CAND1: variants seen among roughly 807,000 people sequenced by gnomAD.
CAND1 encodes the protein cullin-associated NEDD8-dissociated protein 1.
A neutral mutation model predicts 108.5 loss-of-function variants in CAND1; 7 were observed. The observed-to-expected ratio is 0.06, with a 90% confidence interval of 0.04 to 0.12. The LOEUF is 0.12. Among genes scored for constraint, CAND1 ranks in the 10% least tolerant of loss-of-function variants. The pLI is 1.00. For synonymous variants in CAND1, 534 were observed against 512.0 expected, an observed-to-expected ratio of 1.04 and a Z score of -0.58; for missense variants, 941 against 1,448.7, an observed-to-expected ratio of 0.65 and a Z score of 5.69.
Position 67,295,014 on chromosome 12 carries a change from T to C in CAND1, c.368-19T>C, listed in dbSNP as rs923986299. 2.5e-6 allele frequency: 4 copies of C among 1,602,954 alleles called. No homozygotes were observed. Among genetic ancestry groups the C allele is most frequent in the Admixed American group, 3.4e-5 (2 of 58,492 alleles). On this transcript the variant is annotated intron_variant, in intron 3 of 14. Coordinates refer to ENST00000545606, the MANE Select transcript of CAND1 (RefSeq NM_018448.5). Reference sequence around the variant, plus strand: ...AACATGCTTGCCTTGAAATTATTATTGGCTTCTTATTCATGCAGGCTCTGC... The same window carrying C: ...AACATGCTTGCCTTGAAATTATTATCGGCTTCTTATTCATGCAGGCTCTGC...
chr12:67,270,220 C>T, intron 1 of CAND1: 2 of 164,912 alleles, frequency 1.2e-5, no homozygotes, highest in South Asian at 1.6e-4. Flanking sequence ...GCCCAAGCTG[C>T]TGCCCACTCG....
Position 67,312,710 on chromosome 12 carries a change from G to C in CAND1, c.3573G>C (p.Lys1191Asn). 6.2e-7 allele frequency: 1 copy of C among 1,613,810 alleles called. No individual in the cohort carries two copies. The highest frequency in any genetic ancestry group is 8.5e-7 in the Non-Finnish European group (1 of 1,179,778). The change falls in exon 15 of 15, where the codon AAG (lysine) becomes AAC (asparagine). Residue 1191 changes from lysine (K) to asparagine (N), a missense_variant. Physicochemically the swap from Lys to Asn is moderately conservative, Grantham distance 94. Transcript: ENST00000545606. ...TGCTAACCATTCCAGAAGCAGAGAA[G>C]AGTCCACTGATGAGTGAATTCCAGT... ...AALLTIPEAE[K>N]SPLMSEFQSQ...
intron 11 of CAND1, among the ~76,000 whole-genome samples, chr12:67,309,367 C>A (rs1286487630): frequency 1.3e-5 from 2 of 151,862 alleles, no homozygotes; most frequent in Non-Finnish European, 2.9e-5. Context: ...TCGTGTATTT[C>A]TTACTGAAGA....
At position 67,304,638 on chromosome 12, in the gene CAND1, A is replaced by G; in HGVS notation, c.1327A>G (p.Met443Val). Residue 443 changes from methionine to valine, a missense_variant, in exon 9 of 15, where the codon ATG becomes GTG. Met to Val is a conservative substitution (Grantham distance 21). Transcript: ENST00000545606. ...PNIVKALHKQ[M>V]KEKSVKTRQC... ...CATTGTTAAAGCTCTTCACAAACAG[A>G]TGAAAGAAAAAAGTGTGAAGACCCG... The G allele has an allele frequency of 6.2e-7, 1 of 1,613,888 alleles. No homozygotes were observed. The highest frequency in any genetic ancestry group is 8.5e-7 in the Non-Finnish European group (1 of 1,179,924).
chr12:67,300,324 C>G (rs2044812533), intron 7 of CAND1, among the ~76,000 whole-genome samples: 1 of 152,094 alleles, frequency 6.6e-6, no homozygotes, highest in African/African-American at 2.4e-5. Context: ...CATCTAGTCT[C>G]CTGGCTTTAA....
At position 67,299,077 on chromosome 12, in the gene CAND1, G is replaced by T; in HGVS notation, c.982G>T (p.Gly328Cys). The change falls in exon 7 of 15, where the codon GGT (glycine) becomes TGT (cysteine). Residue 328 changes from glycine (G) to cysteine (C), a missense_variant. By Grantham distance (159) the Gly-to-Cys change is radical. This residue lies in a region of CAND1 where 697 missense variants were observed against 942.0 expected (regional missense o/e 0.74). Transcript: ENST00000545606. ...TGAAAATGCAATGGATGCTGATGGT[G>T]GTGATGATGATGATCAAGGTATTGC... The part of the protein sequence containing the change: ...EDENAMDADG[G>C]DDDDQGSDDE... The T allele has an allele frequency of 6.5e-7, 1 of 1,537,838 alleles. No individual in the cohort carries two copies.
intron 2 of CAND1, among the ~76,000 whole-genome samples, chr12:67,282,798 A>G (rs941487402): frequency 2.0e-5 from 3 of 152,182 alleles, no homozygotes; most frequent in Non-Finnish European, 2.9e-5. Context: ...AGTTGATACA[A>G]TATACATATG....
At position 67,317,878 on chromosome 12, in the gene CAND1, A is replaced by C. The variant is rs2045024321; in HGVS notation, c.*5048A>C. The C allele has an allele frequency of 1.3e-5, 2 of 152,290 alleles. No homozygotes were observed. Among genetic ancestry groups the C allele is most frequent in the Non-Finnish European group, 2.9e-5 (2 of 68,110 alleles). 9.4% of individuals were successfully genotyped at this position (152,290 alleles called of 1,614,324 possible). A position where few individuals can be genotyped will look rare whatever the true frequency, so the allele number is the denominator to read the frequency against. ...TACATCTCATAAAGGTATCTCAAAC[A>C]CAGCATATCTAAAGCTGAAGTCATC... is the stretch of plus-strand genomic sequence containing the variant. On this transcript the variant is annotated 3_prime_UTR_variant, in exon 15 of 15. Coordinates refer to ENST00000545606, the MANE Select transcript of CAND1 (RefSeq NM_018448.5).
chr12:67,287,956 A>G (rs1403320582), intron 2 of CAND1, among the ~76,000 whole-genome samples: 1 of 143,446 alleles, frequency 7.0e-6, no homozygotes, highest in Non-Finnish European at 1.5e-5. Flanking sequence ...ATTGAATTCT[A>G]CTGTGGTCAG....
At chr12:67,308,878 A>G (rs1453240071) in intron 11 of CAND1, among the ~76,000 whole-genome samples, 1 of 151,830 alleles carries the variant, frequency 6.6e-6, no homozygotes, top group East Asian at 1.9e-4. Context: ...TTCCCAATCT[A>G]CAGTATCTGA....
chr12:67,297,319 G>A, intron 4 of CAND1, 88 bp from the exon 5 acceptor site: 1 of 1,190,916 alleles, frequency 8.4e-7, no homozygotes, highest in Non-Finnish European at 1.2e-6. Context: ...CTGAATATTT[G>A]CATTGAGGTC....
intron 1 of CAND1, among the ~76,000 whole-genome samples, chr12:67,272,589 A>T (rs1473915453): frequency 1.3e-5 from 2 of 152,224 alleles, no homozygotes; most frequent in Admixed American, 1.3e-4. Context: ...TGCATTATTT[A>T]AAAATGAGAT....
At chr12:67,307,762 T>C (rs1350268816) in intron 11 of CAND1, among the ~76,000 whole-genome samples, 1 of 152,038 alleles carries the variant, frequency 6.6e-6, no homozygotes, top group Non-Finnish European at 1.5e-5. Flanking sequence ...ATTTTTGGGG[T>C]GACCTAAGAT....
intron 2 of CAND1, among the ~76,000 whole-genome samples, chr12:67,284,100 A>G (rs1015746867): frequency 5.3e-5 from 8 of 152,168 alleles, no homozygotes; most frequent in African/African-American, 1.9e-4. Flanking sequence ...TGAACAAAGA[A>G]TTCATCACCC....
At chr12:67,275,529 GA>G (rs139364600) in intron 1 of CAND1, among the ~76,000 whole-genome samples, 3,536 of 131,398 alleles carry the variant, frequency 0.027, 44 homozygotes, top group African/African-American at 0.036. Flanking sequence ...GTCTCAAAAA[GA>G]AAAAAAAAAA....
At chr12:67,308,677 T>C (rs1458106273) in intron 11 of CAND1, among the ~76,000 whole-genome samples, 2 of 152,084 alleles carry the variant, frequency 1.3e-5, no homozygotes, top group African/African-American at 4.8e-5. Context: ...ATAATAGCAA[T>C]ATTTTAGATG....
chr12:67,310,086 C>T lies in CAND1; in HGVS notation c.3195+16C>T, dbSNP rs1348845664. On this transcript the variant is annotated intron_variant, in intron 12 of 14. Coordinates refer to ENST00000545606, the MANE Select transcript of CAND1 (RefSeq NM_018448.5). ...TATAAGAGAGGTAAGTTAGATCACA[C>T]TGTTTATTTGAGCTTGTCTTTGACT... 2 of 1,609,942 alleles carry T rather than the reference C, an allele frequency of 1.2e-6. No individual in the cohort carries two copies. Among genetic ancestry groups the T allele is most frequent in the East Asian group, 4.5e-5 (2 of 44,770 alleles).
chr12:67,290,812 TG>T (rs2044715607), intron 2 of CAND1, among the ~76,000 whole-genome samples: 1 of 152,144 alleles, frequency 6.6e-6, no homozygotes, highest in Non-Finnish European at 1.5e-5. Context: ...TGTTGGGAAC[TG>T]GGCTGTACAG....
At chr12:67,275,770 C>T (rs2044563566) in intron 1 of CAND1, among the ~76,000 whole-genome samples, 1 of 151,990 alleles carries the variant, frequency 6.6e-6, no homozygotes, top group Admixed American at 6.6e-5. Flanking sequence ...CTAGTGCATA[C>T]CTAGTGTAAG....
Sources: gnomAD v4.1 joint callset for allele counts (sites outside exome capture counted in the v4.1 genomes callset) on GRCh38, gnomAD v4.1.1 for gene constraint, gnomAD v4.1.1 regional missense constraint, MANE v1.5 for transcripts, NCBI Gene and HGNC (gene_info 2026-07-23, HGNC 2026-07-21) for gene names.